Variants in MED14 observed in about 807,000 individuals in gnomAD.
MED14 encodes mediator of RNA polymerase II transcription subunit 14.
A neutral mutation model predicts 109.0 loss-of-function variants in MED14; 8 were observed. The observed-to-expected ratio is 0.07, with a 90% CI of 0.04 to 0.13. The LOEUF (loss-of-function observed/expected upper bound fraction) is 0.13, where lower values mean the gene tolerates loss of function less well. Among genes scored for constraint, MED14 ranks in the 10% least tolerant of loss-of-function variants. MED14 has a pLI of 1.00. For synonymous variants in MED14, 399 were observed against 408.7 expected (o/e 0.98, Z 0.29); for missense variants, 711 against 1,142.4 (o/e 0.62, Z 5.44).
chrX:40,709,950 C>T, intron 9 of MED14, 29 bp downstream of exon 9: 1 of 1,059,336 alleles, frequency 9.4e-7, no homozygotes, highest in Admixed American at 3.0e-5. Context: ...TCATTTAAAC[C>T]AATATGAAAA....
intron 3 of MED14, among the ~76,000 whole-genome samples, chrX:40,724,747 T>G (rs1259475764): frequency 1.8e-5 from 2 of 111,513 alleles, no homozygotes; most frequent in African/African-American, 3.3e-5. Flanking sequence ...AACCTAATGA[T>G]GCATCTTAAA....
At chrX:40,683,107 T>C (rs1349546820) in intron 16 of MED14, 111 bp from the exon 17 acceptor site, 1 of 591,513 alleles carries the variant, frequency 1.7e-6, no homozygotes. Flanking sequence ...CACTTCTAGA[T>C]ACCTTCTGCA....
intron 26 of MED14, among the ~76,000 whole-genome samples, chrX:40,661,242 C>T: frequency 8.9e-6 from 1 of 112,520 alleles, no homozygotes. Context: ...CCATCACACC[C>T]AGCTAATTTT....
At chrX:40,721,131 C>T (rs1931702783) in intron 3 of MED14, among the ~76,000 whole-genome samples, 1 of 111,308 alleles carries the variant, frequency 9.0e-6, no homozygotes, top group Admixed American at 9.5e-5. Flanking sequence ...GTAAAGGGGA[C>T]TTTGTTTTGC....
At chrX:40,654,906 T>C (rs1324157665) in intron 29 of MED14, 29 bp downstream of exon 29, 15 of 1,196,968 alleles carry the variant, frequency 1.3e-5, no homozygotes, top group African/African-American at 7.0e-5. Flanking sequence ...AGAAGCTCTG[T>C]ACATGCACAC....
rs925623508 is a variant in MED14, at chrX:40,651,553, A to G, written c.*253T>C. On this transcript the variant is annotated 3_prime_UTR_variant, in exon 31 of 31. Coordinates refer to ENST00000324817, the MANE Select transcript of MED14 (RefSeq NM_004229.4). ...TAGTATAAAACAGAATATTAAATTT[A>G]TTACTGGCAAACGGACACTGATTTA... 4.5e-6 allele frequency: 4 copies of G among 888,341 alleles called. No individual in the cohort carries two copies. Among genetic ancestry groups the G allele is most frequent in the African/African-American group, 2.1e-5 (1 of 47,719 alleles). The allele number at this position is 888,341 out of a possible 1,213,427, so 73.2% of individuals were successfully genotyped here.
intron 21 of MED14, among the ~76,000 whole-genome samples, chrX:40,676,691 T>C (rs1158605562): frequency 8.9e-6 from 1 of 111,865 alleles, no homozygotes; most frequent in Non-Finnish European, 1.9e-5. Context: ...ATGGGGACAG[T>C]TCCCCCCATG....
chrX:40,717,735 C>T (rs780733310), intron 3 of MED14, among the ~76,000 whole-genome samples: 2 of 111,647 alleles, frequency 1.8e-5, no homozygotes, highest in African/African-American at 6.5e-5. Context: ...GCTGGCCAGG[C>T]TAGTCTCGAA....
At chrX:40,724,385 T>C (rs1931831217) in intron 3 of MED14, among the ~76,000 whole-genome samples, 1 of 112,223 alleles carries the variant, frequency 8.9e-6, no homozygotes. Flanking sequence ...AGGATACACA[T>C]TCTTCTCCTC....
At position 40,650,502 on chromosome X, in the gene MED14, C is replaced by CA; in HGVS notation, c.*1303dup. On this transcript the variant is annotated 3_prime_UTR_variant, in exon 31 of 31. Coordinates refer to ENST00000324817, the MANE Select transcript of MED14 (RefSeq NM_004229.4). ...ACCAGGTAACTCGGCATGGTATTAT[C>CA]ACTTAAAAATTTTTCCTAAATACCA... 1 of 753,747 alleles carries CA rather than the reference C, an allele frequency of 1.3e-6. No homozygotes were observed. The highest frequency in any genetic ancestry group is 1.6e-6 in the Non-Finnish European group (1 of 638,873). The allele number at this position is 753,747 out of a possible 1,213,427, so 62.1% of individuals were successfully genotyped here.
Position 40,687,888 on chromosome X carries a change from G to A in MED14, c.2057+566C>T, listed in dbSNP as rs777726383. 7.1e-5 allele frequency among the ~76,000 whole-genome samples: 8 copies of A among 112,056 alleles called. No homozygotes were observed. The South Asian group carries it at 3.0e-3, about 42-fold the overall frequency. ...CACACTCAATGCATATCTGCTGAACGAATCAAAGAAATGCAGAGAAAAGAC... is the reference window on the plus strand; with the variant it reads ...CACACTCAATGCATATCTGCTGAACAAATCAAAGAAATGCAGAGAAAAGAC... On this transcript the variant is annotated intron_variant, in intron 16 of 30. Transcript: ENST00000324817.
chrX:40,660,303 C>G (rs1929215111), intron 26 of MED14, among the ~76,000 whole-genome samples: 1 of 111,594 alleles, frequency 9.0e-6, no homozygotes, highest in African/African-American at 3.3e-5. Flanking sequence ...GTTCATTATA[C>G]CATTCTACTT....
At chrX:40,726,607 T>C (rs1270393421) in intron 3 of MED14, 139 bp downstream of exon 3, 7 of 474,640 alleles carry the variant, frequency 1.5e-5, no homozygotes, top group Admixed American at 4.3e-5. Context: ...TGCAGAAATA[T>C]ACATTATCAT....
intron 4 of MED14, 113 bp downstream of exon 4, chrX:40,714,424 T>C: frequency 1.2e-6 from 1 of 846,187 alleles, no homozygotes; most frequent in Non-Finnish European, 1.6e-6. Context: ...AAAAGCAAAC[T>C]ATATGTACTG....
rs1930568826 is a variant in MED14 at position 40,692,746 on chromosome X, T to C, written c.1807A>G (p.Lys603Glu). Reference protein sequence around the residue: ...ENIQDLVFRTKTGKQTRTNAK... With the variant: ...ENIQDLVFRTETGKQTRTNAK... ...TTGGTTCTGGTCTGTTTCCCGGTTT[T>C]TGTACGAAAAACCAAGTCCTGAATG... The change falls in exon 14 of 31, where the codon AAA becomes GAA. Residue 603 changes from lysine to glutamate, a missense_variant. Coordinates refer to ENST00000324817, the MANE Select transcript of MED14 (RefSeq NM_004229.4). 3.3e-6 allele frequency: 4 copies of C among 1,209,812 alleles called. No individual in the cohort carries two copies. The highest frequency in any genetic ancestry group is 3.0e-5 in the East Asian group (1 of 33,773).
intron 26 of MED14, among the ~76,000 whole-genome samples, chrX:40,662,463 C>T (rs1929320812): frequency 9.0e-6 from 1 of 111,308 alleles, no homozygotes; most frequent in Non-Finnish European, 1.9e-5. Context: ...GCTCAGTGAT[C>T]CTCCTGCCTC....
chrX:40,717,575 T>G (rs779594922), intron 3 of MED14, among the ~76,000 whole-genome samples: 26 of 111,505 alleles, frequency 2.3e-4, no homozygotes, highest in Non-Finnish European at 4.5e-4. Context: ...CAGGCTGGAG[T>G]GCAGTGGCAT....
chrX:40,681,002 A>G (rs1334049261), intron 19 of MED14, 92 bp from the exon 20 acceptor site: 1 of 637,739 alleles, frequency 1.6e-6, no homozygotes, highest in African/African-American at 2.3e-5. Flanking sequence ...GCAAAACGCC[A>G]AAAATCTAAA....
At chrX:40,692,600 C>T (rs767828116) in intron 14 of MED14, 108 bp downstream of exon 14, 3 of 757,374 alleles carry the variant, frequency 4.0e-6, no homozygotes, top group African/African-American at 2.2e-5. Context: ...ATTGCTGCCT[C>T]GTCTCTTAAA....
Sources: allele counts gnomAD v4.1 joint callset (sites outside exome capture counted in the v4.1 genomes callset), GRCh38; gene constraint gnomAD v4.1.1; transcripts MANE v1.5; gene names NCBI Gene and HGNC (gene_info 2026-07-23, HGNC 2026-07-21).